The following CEP128 variants were observed in gnomAD, a reference collection of about 807,000 sequenced individuals.
The protein encoded by CEP128 is centrosomal protein 128, also known as centrosomal protein 128kDa.
CEP128 carries 132 observed loss-of-function variants against 156.7 expected under a neutral mutation model. The ratio of observed to expected loss-of-function variants is 0.84; its 90% CI spans 0.73 to 0.97. The LOEUF is 0.97. CEP128 is among the 50% of genes least tolerant of loss of function. The pLI is 0.00. For missense variants in CEP128, 1,252 were observed against 1,281.9 expected (o/e 0.98, Z 0.36); for synonymous variants, 469 against 448.9 (o/e 1.04, Z -0.57).
At chr14:80,843,258 A>C (rs1333347397) in intron 9 of CEP128, among the ~76,000 whole-genome samples, 2 of 152,036 alleles carry the variant, frequency 1.3e-5, no homozygotes, top group Non-Finnish European at 2.9e-5. Context: ...TTGGTTAAGA[A>C]TGATGGCATG....
intron 19 of CEP128, among the ~76,000 whole-genome samples, chr14:80,680,054 C>A (rs1896256856): frequency 6.6e-6 from 1 of 152,158 alleles, no homozygotes; most frequent in African/African-American, 2.4e-5. Flanking sequence ...TAGTCTTGAG[C>A]CAGAGATTGG....
intron 2 of CEP128, among the ~76,000 whole-genome samples, chr14:80,953,583 T>TCAAA (rs1199177911): frequency 1.3e-5 from 2 of 152,322 alleles, no homozygotes; most frequent in East Asian, 3.9e-4. Context: ...AGACTCCGTC[T>TCAAA]CAAACAAACA....
chr14:80,590,330 G>A (rs1891997122), intron 19 of CEP128, among the ~76,000 whole-genome samples: 1 of 151,932 alleles, frequency 6.6e-6, no homozygotes, highest in South Asian at 2.1e-4. Context: ...AAAACCAAAG[G>A]AAAAGAACAA....
intron 21 of CEP128, among the ~76,000 whole-genome samples, chr14:80,549,701 C>T (rs114369322): frequency 6.6e-6 from 1 of 152,284 alleles, no homozygotes; most frequent in South Asian, 2.1e-4. Flanking sequence ...AGTAAGTACT[C>T]TAACTCATTT....
chr14:80,850,048 TAGAG>T (rs1055575434), intron 9 of CEP128, among the ~76,000 whole-genome samples: 3 of 151,748 alleles, frequency 2.0e-5, no homozygotes, highest in African/African-American at 7.3e-5. Context: ...GTTTCTTCCA[TAGAG>T]GGAGGGAGGG....
At chr14:80,746,703 C>G (rs1022500234) in intron 18 of CEP128, among the ~76,000 whole-genome samples, 1 of 152,088 alleles carries the variant, frequency 6.6e-6, no homozygotes, top group Non-Finnish European at 1.5e-5. Flanking sequence ...AGGTGTAACA[C>G]CAAAAGCAGA....
intron 13 of CEP128, among the ~76,000 whole-genome samples, chr14:80,821,600 TACAC>T (rs71103885): frequency 0.057 from 8,262 of 145,026 alleles, 203 homozygotes; most frequent in Middle Eastern, 0.081. Context: ...CATACACACA[TACAC>T]ACACACACAC....
intron 19 of CEP128, among the ~76,000 whole-genome samples, chr14:80,659,056 A>G (rs946595627): frequency 6.6e-6 from 1 of 152,232 alleles, no homozygotes; most frequent in Admixed American, 6.5e-5. Context: ...CAGTAGAAAG[A>G]GTATTGTGAC....
chr14:80,709,854 T>C (rs1897340600), intron 19 of CEP128, among the ~76,000 whole-genome samples: 1 of 152,068 alleles, frequency 6.6e-6, no homozygotes, highest in Non-Finnish European at 1.5e-5. Flanking sequence ...TTTTTTCTGA[T>C]TGGTTCAGTT....
chr14:80,534,025 T>C (rs1889357309), intron 21 of CEP128, among the ~76,000 whole-genome samples: 1 of 152,198 alleles, frequency 6.6e-6, no homozygotes, highest in African/African-American at 2.4e-5. Context: ...AACTAGGGCA[T>C]TTGCAACAAC....
intron 19 of CEP128, among the ~76,000 whole-genome samples, chr14:80,606,532 G>C (rs1472992978): frequency 6.6e-6 from 1 of 152,040 alleles, no homozygotes; most frequent in East Asian, 1.9e-4. Context: ...TGCATTAGCT[G>C]GGAACAGTAC....
chr14:80,596,349 C>T (rs1206991825), intron 19 of CEP128, among the ~76,000 whole-genome samples: 1 of 152,078 alleles, frequency 6.6e-6, no homozygotes, highest in South Asian at 2.1e-4. Context: ...CCCAATATCA[C>T]TCTCTCAAAA....
At chr14:80,543,061 T>G (rs957312734) in intron 21 of CEP128, among the ~76,000 whole-genome samples, 5 of 152,220 alleles carry the variant, frequency 3.3e-5, no homozygotes, top group Non-Finnish European at 7.3e-5. Flanking sequence ...TCCTCCTATA[T>G]GGATGAATTT....
At chr14:80,929,273 A>G (rs562705799) in intron 2 of CEP128, among the ~76,000 whole-genome samples, 1 of 152,360 alleles carries the variant, frequency 6.6e-6, no homozygotes, top group South Asian at 2.1e-4. Flanking sequence ...ACTGATGGAA[A>G]TGTAAATCAG....
intron 19 of CEP128, among the ~76,000 whole-genome samples, chr14:80,734,294 C>T (rs540274713): frequency 6.6e-6 from 1 of 152,132 alleles, no homozygotes; most frequent in South Asian, 2.1e-4. Context: ...AACTAGCCTG[C>T]ATTGTGTCTT....
At chr14:80,560,224 G>A (rs566363873) in intron 20 of CEP128, among the ~76,000 whole-genome samples, 2 of 152,066 alleles carry the variant, frequency 1.3e-5, no homozygotes, top group Non-Finnish European at 2.9e-5. Flanking sequence ...CCAGGAGTTC[G>A]AGACCAGCCT....
intron 19 of CEP128, among the ~76,000 whole-genome samples, chr14:80,595,398 C>A (rs574871688): frequency 6.6e-6 from 1 of 152,198 alleles, no homozygotes; most frequent in Admixed American, 6.5e-5. Flanking sequence ...GTGCAGCAAA[C>A]CACCATGGCA....
intron 19 of CEP128, among the ~76,000 whole-genome samples, chr14:80,625,543 G>T (rs899026115): frequency 1.3e-5 from 2 of 151,994 alleles, no homozygotes; most frequent in Non-Finnish European, 2.9e-5. Context: ...GATTGCTTTG[G>T]GTGGTAAGGT....
chr14:80,511,128 G>A (rs1311431026), intron 23 of CEP128, among the ~76,000 whole-genome samples: 2 of 150,130 alleles, frequency 1.3e-5, no homozygotes, highest in East Asian at 3.9e-4. Context: ...CTCATAGAAT[G>A]AGTTTGGGAG....
Sources: allele counts gnomAD v4.1 joint callset (sites outside exome capture counted in the v4.1 genomes callset), GRCh38; gene constraint gnomAD v4.1.1; transcripts MANE v1.5; gene names NCBI Gene and HGNC (gene_info 2026-07-23, HGNC 2026-07-21).